Variants in LEKR1 observed in about 807,000 individuals in gnomAD.
LEKR1 encodes protein LEKR1.
LEKR1 carries 59 observed loss-of-function variants against 72.4 expected under a neutral mutation model. The ratio of observed to expected loss-of-function variants is 0.82; its 90% CI spans 0.66 to 1.01. The LOEUF (loss-of-function observed/expected upper bound fraction) is 1.01. LEKR1 is among the 50% of genes least tolerant of loss of function. The pLI, the probability that LEKR1 is intolerant of heterozygous loss-of-function variation, is 0.00. For synonymous variants in LEKR1, 257 were observed against 263.2 expected, an observed-to-expected ratio of 0.98 and a Z score of 0.23; for missense variants, 728 against 759.2, an observed-to-expected ratio of 0.96 and a Z score of 0.48.
At position 157,001,965 on chromosome 3, in the gene LEKR1, A is replaced by G. The variant is rs988537362; in HGVS notation, c.1109+8688A>G. 3.3e-5 allele frequency among the ~76,000 whole-genome samples: 5 copies of G among 152,290 alleles called. No homozygotes were observed. In the South Asian group the frequency reaches 6.2e-4, roughly 19 times the overall value. On this transcript the variant is annotated intron_variant, in intron 9 of 12. Coordinates refer to ENST00000356539, the MANE Select transcript of LEKR1 (RefSeq NM_001004316.3). The stretch of plus-strand genomic sequence containing the variant: ...GATGGGAATGAATTTAATTTCTATC[A>G]AACAACTGATCATGGAATTTAAAAC...
At chr3:157,030,428 T>A (rs75934627) in intron 12 of LEKR1, among the ~76,000 whole-genome samples, 13,329 of 152,216 alleles carry the variant, frequency 0.088, 636 homozygotes, top group African/African-American at 0.11. Context: ...GACTGACAAC[T>A]GCCACTTCCT....
intron 9 of LEKR1, among the ~76,000 whole-genome samples, chr3:156,996,874 G>A (rs1447878981): frequency 1.3e-5 from 2 of 152,056 alleles, no homozygotes; most frequent in Non-Finnish European, 1.5e-5. Context: ...CGAACAGCCT[G>A]GCCAACATAG....
intron 7 of LEKR1, among the ~76,000 whole-genome samples, chr3:156,981,937 G>T (rs972066459): frequency 1.3e-5 from 2 of 152,114 alleles, no homozygotes; most frequent in Non-Finnish European, 2.9e-5. Context: ...TATTCTTTGT[G>T]GGGGCTGGGA....
chr3:156,995,814 G>C (rs1159357588), intron 9 of LEKR1, among the ~76,000 whole-genome samples: 1 of 152,184 alleles, frequency 6.6e-6, no homozygotes, highest in Non-Finnish European at 1.5e-5. Context: ...GGGCAACAGA[G>C]TGAGACTCTG....
intron 3 of LEKR1, among the ~76,000 whole-genome samples, chr3:156,906,192 A>T (rs1410566622): frequency 6.6e-6 from 1 of 152,124 alleles, no homozygotes; most frequent in African/African-American, 2.4e-5. Context: ...TTTTAAAAGT[A>T]TTTCCTTTTA....
At chr3:156,987,702 G>A (rs764466260) in intron 7 of LEKR1, among the ~76,000 whole-genome samples, 5 of 152,100 alleles carry the variant, frequency 3.3e-5, no homozygotes, top group Admixed American at 2.0e-4. Flanking sequence ...AAAAGTGAAT[G>A]TTTTACATAT....
intron 6 of LEKR1, among the ~76,000 whole-genome samples, chr3:156,967,068 C>G (rs1039834316): frequency 1.3e-5 from 2 of 152,206 alleles, no homozygotes; most frequent in Admixed American, 6.5e-5. Context: ...GCTGAGGGTC[C>G]TGACTGTTAG....
At chr3:156,939,562 A>T (rs1487971118) in intron 5 of LEKR1, among the ~76,000 whole-genome samples, 1 of 152,246 alleles carries the variant, frequency 6.6e-6, no homozygotes, top group Non-Finnish European at 1.5e-5. Context: ...AGGCTTTAAA[A>T]TCAAAGTCCA....
chr3:156,930,844 A>G (rs1259782743), intron 5 of LEKR1, among the ~76,000 whole-genome samples: 1 of 152,144 alleles, frequency 6.6e-6, no homozygotes, highest in Non-Finnish European at 1.5e-5. Flanking sequence ...TTGTGCTGGT[A>G]TGACTGAATA....
At chr3:156,989,053 G>T (rs1730943075) in intron 7 of LEKR1, among the ~76,000 whole-genome samples, 1 of 152,066 alleles carries the variant, frequency 6.6e-6, no homozygotes, top group African/African-American at 2.4e-5. Flanking sequence ...TGTTTGTCTT[G>T]AACTCTGACT....
At chr3:156,899,326 A>T (rs1380300987) in intron 3 of LEKR1, among the ~76,000 whole-genome samples, 1 of 127,662 alleles carries the variant, frequency 7.8e-6, no homozygotes, top group Non-Finnish European at 1.7e-5. Flanking sequence ...GTATATATAC[A>T]TATATACATA....
chr3:156,888,212 A>G (rs1017119514), intron 3 of LEKR1: 1 of 670,810 alleles, frequency 1.5e-6, no homozygotes, highest in African/African-American at 1.8e-5. Context: ...ACAAAAAAGT[A>G]AAGTAAAGCA....
At position 157,045,383 on chromosome 3, in the gene LEKR1, G is replaced by T. The variant is rs1577038336; in HGVS notation, c.1712G>T (p.Arg571Leu). The T allele has an allele frequency of 4.3e-6, 7 of 1,614,068 alleles. No individual in the cohort carries two copies. The highest frequency in any genetic ancestry group is 5.9e-6 in the Non-Finnish European group (7 of 1,179,976). Residue 571 changes from arginine to leucine, a missense_variant, in exon 13 of 13, where the codon CGC (arginine) becomes CTC (leucine). By Grantham distance (102) the Arg-to-Leu change is moderately radical (BLOSUM62 -2). Coordinates refer to ENST00000356539, the MANE Select transcript of LEKR1 (RefSeq NM_001004316.3). ...QETVRRECEE[R>L]FELTEALSQA... is the part of the protein sequence containing the mutation. ...ACAGTGCGTAGAGAATGTGAAGAAC[G>T]CTTTGAACTGACAGAGGCTTTGAGT... is the stretch of plus-strand genomic sequence containing the variant.
chr3:157,045,677 G>T lies in LEKR1; in HGVS notation c.2006G>T (p.Gly669Val). ...PILPQPHPPR[G>V]GASSANETRQ... The stretch of plus-strand genomic sequence containing the variant: ...CTCCCCCAGCCACATCCTCCCAGGG[G>T]TGGAGCATCTTCAGCAAATGAGACT... Residue 669 changes from glycine to valine, a missense_variant, in exon 13 of 13, where the codon GGT becomes GTT. Physicochemically the swap from Gly to Val is moderately radical, Grantham distance 109 (BLOSUM62 -3). Transcript: ENST00000356539. The T allele has an allele frequency of 1.2e-6, 2 of 1,613,930 alleles. No individual in the cohort carries two copies. Among genetic ancestry groups the T allele is most frequent in the South Asian group, 2.2e-5 (2 of 91,090 alleles).
At chr3:157,045,271 T>A (rs998483795) in intron 12 of LEKR1, 69 bp from the exon 13 acceptor site, 13 of 1,294,128 alleles carry the variant, frequency 1.0e-5, no homozygotes, top group Non-Finnish European at 1.3e-5. Context: ...AATTGTATTG[T>A]CCGTAACTAT....
At chr3:156,852,042 A>C (rs1560024962) in intron 2 of LEKR1, 1 of 152,194 alleles carries the variant, frequency 6.6e-6, no homozygotes, top group African/African-American at 2.4e-5. Flanking sequence ...TCCAATATAC[A>C]TGTGATAGAT....
chr3:156,890,190 GTTTTC>G (rs937054542), intron 3 of LEKR1, among the ~76,000 whole-genome samples: 1 of 152,044 alleles, frequency 6.6e-6, no homozygotes, highest in African/African-American at 2.4e-5. Context: ...TTGTATAAAA[GTTTTC>G]TTAACTTTAG....
At chr3:156,912,639 C>T (rs1037350520) in intron 3 of LEKR1, among the ~76,000 whole-genome samples, 6 of 152,162 alleles carry the variant, frequency 3.9e-5, no homozygotes, top group Non-Finnish European at 7.3e-5. Context: ...CATCCCCACT[C>T]GAGGATTGTA....
At chr3:157,028,075 A>C in intron 11 of LEKR1, 28 bp from the exon 12 acceptor site, 1 of 1,456,836 alleles carries the variant, frequency 6.9e-7, no homozygotes, top group Non-Finnish European at 9.3e-7. Context: ...ACTATCGCCT[A>C]CAAGCTAATA....
Sources: gnomAD v4.1 joint callset for allele counts (sites outside exome capture counted in the v4.1 genomes callset) on GRCh38, gnomAD v4.1.1 for gene constraint, MANE v1.5 for transcripts, NCBI Gene and HGNC (gene_info 2026-07-23, HGNC 2026-07-21) for gene names.